ELF4: variants seen among roughly 807,000 people sequenced by gnomAD.
The protein encoded by ELF4 is E74 like ETS transcription factor 4.
ELF4 carries 10 observed loss-of-function variants against 31.7 expected under a neutral mutation model. The ratio of observed to expected loss-of-function variants is 0.32; its 90% CI spans 0.19 to 0.54. The LOEUF (loss-of-function observed/expected upper bound fraction) is 0.54. Among genes scored for constraint, ELF4 ranks in the 20% least tolerant of loss-of-function variants. ELF4 has a pLI of 0.95. For missense variants in ELF4, 418 were observed against 522.0 expected (o/e 0.80, Z 1.94); for synonymous variants, 208 against 226.7 (o/e 0.92, Z 0.74).
At chrX:130,100,315 T>C (rs1407610783) in intron 1 of ELF4, among the ~76,000 whole-genome samples, 5 of 111,634 alleles carry the variant, frequency 4.5e-5, no homozygotes, top group Non-Finnish European at 9.4e-5. Flanking sequence ...AGGACACACA[T>C]TGACATCGAT....
At chrX:130,097,655 A>C (rs1933174515) in intron 1 of ELF4, among the ~76,000 whole-genome samples, 1 of 112,214 alleles carries the variant, frequency 8.9e-6, no homozygotes, top group African/African-American at 3.2e-5. Context: ...GACTGTCTCC[A>C]TGAGGGGCAG....
At chrX:130,069,809 G>A in intron 7 of ELF4, 132 bp from the exon 8 acceptor site, 1 of 956,711 alleles carries the variant, frequency 1.0e-6, no homozygotes, top group Non-Finnish European at 1.4e-6. Flanking sequence ...TGGGGAGCCA[G>A]CTGAGGGCCC....
rs1166569826 is a variant in ELF4 at position 130,078,748 on chromosome X, ACTCT to A, written c.75+2504_75+2507del. ...CTCTAGCCTGAGCAACAAGAGCAAA[ACTCT>A]CTCTCTCTCTACACACACACACACA... is the stretch of plus-strand genomic sequence containing the variant. On this transcript the variant is annotated intron_variant, in intron 2 of 8. Coordinates refer to ENST00000308167, the MANE Select transcript of ELF4 (RefSeq NM_001421.4). Among the ~76,000 whole-genome samples the A allele has an allele frequency of 9.2e-4, 86 of 93,664 alleles. 1 individual carries two copies. The highest frequency in any genetic ancestry group is 3.3e-3 in the African/African-American group (80 of 24,518). 81.3% of individuals were successfully genotyped at this position (93,664 alleles called of 115,157 possible).
chrX:130,092,789 G>A (rs1400146042), intron 1 of ELF4, among the ~76,000 whole-genome samples: 1 of 111,022 alleles, frequency 9.0e-6, no homozygotes, highest in African/African-American at 3.3e-5. Context: ...ATGTCACTTC[G>A]TAATTTTGCA....
chrX:130,087,059 G>A (rs992485924), intron 1 of ELF4, among the ~76,000 whole-genome samples: 7 of 112,704 alleles, frequency 6.2e-5, no homozygotes, highest in South Asian at 3.6e-4. Context: ...AGGAGGGGGA[G>A]GGTTAGTGAC....
intron 1 of ELF4, among the ~76,000 whole-genome samples, chrX:130,096,971 C>T (rs771983637): frequency 1.8e-4 from 20 of 110,672 alleles, no homozygotes; most frequent in Non-Finnish European, 2.6e-4. Flanking sequence ...AAAGGCTCAG[C>T]CAGTTCTGAA....
rs147249764 is a variant in ELF4, at chrX:130,067,225, C to T, written c.1488G>A (p.Pro496=). 6.6e-6 allele frequency: 8 copies of T among 1,210,247 alleles called. No individual in the cohort carries two copies. The African/African-American group carries it at 7.0e-5, about 11-fold the overall frequency. Residue 496 remains proline (P), a synonymous_variant, in exon 9 of 9, where the codon CCG becomes CCA. Coordinates refer to ENST00000308167, the MANE Select transcript of ELF4 (RefSeq NM_001421.4). ...LPQLLAGANR[P]TNPAPPTVTG... ...TGACCGTGGGTGGCGCCGGGTTGGT[C>T]GGACGGTTGGCCCCAGCCAGAAGTT...
chrX:130,106,308 G>A lies in ELF4; in HGVS notation c.-210+4017C>T, dbSNP rs986567052. ...GCCACTGGCCCGGCTGCTTGTCCTC[G>A]CCTCTGATTGTTTCAGTGTCTTAGT... On this transcript the variant is annotated intron_variant, in intron 1 of 8. Coordinates refer to ENST00000308167, the MANE Select transcript of ELF4 (RefSeq NM_001421.4). Among the ~76,000 whole-genome samples, 3 of 110,591 alleles carry A rather than the reference G, an allele frequency of 2.7e-5. No individual in the cohort carries two copies. In the Admixed American group the frequency reaches 2.9e-4, roughly 11 times the overall value.
At chrX:130,067,973 C>T (rs890208004) in intron 8 of ELF4, among the ~76,000 whole-genome samples, 6 of 111,317 alleles carry the variant, frequency 5.4e-5, no homozygotes, top group East Asian at 2.8e-4. Flanking sequence ...CCACTACACC[C>T]GGCTAATTTT....
chrX:130,104,317 C>CACACAT (rs1480016561), intron 1 of ELF4, among the ~76,000 whole-genome samples: 8 of 108,838 alleles, frequency 7.4e-5, no homozygotes, highest in Non-Finnish European at 3.8e-5. Context: ...CACACACACA[C>CACACAT]ACCTTCTATT....
intron 1 of ELF4, among the ~76,000 whole-genome samples, chrX:130,085,240 G>A (rs1369243805): frequency 8.9e-6 from 1 of 111,964 alleles, no homozygotes; most frequent in Non-Finnish European, 1.9e-5. Context: ...TGGGCCAAAA[G>A]CAAAGCCTTT....
chrX:130,110,261 T>C (rs1396519864), intron 1 of ELF4, 64 bp downstream of exon 1: 2 of 107,514 alleles, frequency 1.9e-5, no homozygotes, highest in East Asian at 6.3e-4. Flanking sequence ...GCGCTCTCGA[T>C]TCCGCCCTCA....
rs760200430 is a variant in ELF4 at position 130,069,436 on chromosome X, G to C, written c.1051C>G (p.Pro351Ala). 3 of 1,212,076 alleles carry C rather than the reference G, an allele frequency of 2.5e-6. No homozygotes were observed. Among genetic ancestry groups the C allele is most frequent in the East Asian group, 3.0e-5 (1 of 33,852 alleles). ...QGKGSSSWEK[P>A]KIQHVGLQPS... ...TGGAGACCGACATGCTGAATTTTTG[G>C]CTTCTCCCAAGAAGAGCTGCCCTTG... Residue 351 changes from proline (P) to alanine (A), a missense_variant, in exon 8 of 9, where the codon CCA (proline) becomes GCA (alanine). By Grantham distance (27) the Pro-to-Ala change is conservative. Coordinates refer to ENST00000308167, the MANE Select transcript of ELF4 (RefSeq NM_001421.4).
At chrX:130,080,820 A>G (rs1257366114) in intron 2 of ELF4, among the ~76,000 whole-genome samples, 2 of 112,527 alleles carry the variant, frequency 1.8e-5, no homozygotes, top group Non-Finnish European at 3.8e-5. Context: ...ACCAGTCTAC[A>G]GTTCAGCTGG....
At chrX:130,091,585 C>T (rs1417006836) in intron 1 of ELF4, among the ~76,000 whole-genome samples, 1 of 112,174 alleles carries the variant, frequency 8.9e-6, no homozygotes, top group African/African-American at 3.2e-5. Flanking sequence ...ACCACACCCA[C>T]CCCATCATGT....
chrX:130,085,444 C>T (rs1166966017), intron 1 of ELF4, among the ~76,000 whole-genome samples: 3 of 111,787 alleles, frequency 2.7e-5, no homozygotes, highest in Non-Finnish European at 5.6e-5. Flanking sequence ...ATGCACAGAC[C>T]CTTCCTGGGG....
chrX:130,083,824 A>ATGAATGGC (rs1932921391), intron 1 of ELF4, among the ~76,000 whole-genome samples: 1 of 101,645 alleles, frequency 9.8e-6, no homozygotes, highest in African/African-American at 3.6e-5. Flanking sequence ...GGATGGCTGG[A>ATGAATGGC]TGGATGGCTG....
intron 4 of ELF4, among the ~76,000 whole-genome samples, chrX:130,073,678 G>GT (rs764646501): frequency 9.7e-4 from 108 of 111,558 alleles, no homozygotes; most frequent in Non-Finnish European, 1.6e-3. Flanking sequence ...CGCCCAGCAA[G>GT]TTTTTATATT....
chrX:130,074,791 G>A, intron 2 of ELF4, 39 bp from the exon 3 acceptor site: 4 of 1,201,366 alleles, frequency 3.3e-6, no homozygotes, highest in Non-Finnish European at 4.5e-6. Context: ...GACCCACCCA[G>A]CTCTTCCAGC....
Sources: gnomAD v4.1 joint callset for allele counts (sites outside exome capture counted in the v4.1 genomes callset) on GRCh38, gnomAD v4.1.1 for gene constraint, MANE v1.5 for transcripts, NCBI Gene and HGNC (gene_info 2026-07-23, HGNC 2026-07-21) for gene names.